The following SCAND3 variants were observed in gnomAD, a reference collection of about 807,000 sequenced individuals.
The protein encoded by SCAND3 is SCAN domain containing 3.
chr6:28,575,718 C>A, the SCAND3 span: 8 of 1,614,064 alleles, frequency 5.0e-6, no homozygotes, highest in Non-Finnish European at 6.8e-6. This position sits in a 1 kb window ranked among gnomAD's most constrained non-coding sequence, Gnocchi z 4.2. Flanking sequence ...TCGCTTGTAA[C>A]TCTTTCTCCA....
chr6:28,575,755 C>T, the SCAND3 span: 10 of 1,614,004 alleles, frequency 6.2e-6, no homozygotes, highest in African/African-American at 1.1e-4. This position sits in a 1 kb window ranked among gnomAD's most constrained non-coding sequence, Gnocchi z 4.2. Context: ...ATGTCCAATG[C>T]TGAGATGTGT....
chr6:28,589,769 G>C, the SCAND3 span: 1 of 151,660 alleles, frequency 6.6e-6, no homozygotes, highest in Admixed American at 6.6e-5. Context: ...TAGGTTCGAA[G>C]CCCTCCTCGC....
At chr6:28,573,056 C>G in the SCAND3 span, 2 of 1,611,146 alleles carry the variant, frequency 1.2e-6, no homozygotes, top group Non-Finnish European at 8.5e-7. Flanking sequence ...TCATACAGTT[C>G]TGAGCTAGTT....
the SCAND3 span, chr6:28,573,857 G>T: frequency 6.7e-7 from 1 of 1,492,238 alleles, no homozygotes; most frequent in South Asian, 1.4e-5. Flanking sequence ...TAAATAATAT[G>T]AATTTTACTT....
the SCAND3 span, chr6:28,575,110 G>A: frequency 6.2e-7 from 1 of 1,614,146 alleles, no homozygotes; most frequent in Non-Finnish European, 8.5e-7. This position sits in a 1 kb window ranked among gnomAD's most constrained non-coding sequence, Gnocchi z 4.2. Flanking sequence ...CTGAGAATGG[G>A]ACAAGCCCAG....
the SCAND3 span, chr6:28,579,154 C>T: frequency 2.2e-6 from 2 of 928,562 alleles, no homozygotes; most frequent in Non-Finnish European, 3.2e-6. This position sits in a 1 kb window ranked among gnomAD's most constrained non-coding sequence, Gnocchi z 4.5. Context: ...TTGGCTTTTC[C>T]TTCAACTATT....
At chr6:28,606,436 TG>T in the SCAND3 span, among the ~76,000 whole-genome samples, 1 of 152,136 alleles carries the variant, frequency 6.6e-6, no homozygotes, top group Non-Finnish European at 1.5e-5. Flanking sequence ...AATTTTTCAT[TG>T]CTCCATGGTT....
the SCAND3 span, among the ~76,000 whole-genome samples, chr6:28,603,206 C>T: frequency 1.3e-5 from 2 of 152,068 alleles, no homozygotes; most frequent in African/African-American, 2.4e-5. Context: ...GATCTGCCCG[C>T]CTCAACCTCC....
At chr6:28,583,119 A>G in the SCAND3 span, among the ~76,000 whole-genome samples, 4 of 151,980 alleles carry the variant, frequency 2.6e-5, no homozygotes, top group East Asian at 2.0e-4. Flanking sequence ...TGGGTCGGGC[A>G]CGGTGGCTCA....
chr6:28,594,676 T>C, the SCAND3 span, among the ~76,000 whole-genome samples: 1 of 152,104 alleles, frequency 6.6e-6, no homozygotes, highest in Non-Finnish European at 1.5e-5. Flanking sequence ...GTGCTATATA[T>C]ACAATGAAAT....
the SCAND3 span, among the ~76,000 whole-genome samples, chr6:28,578,321 A>G: frequency 3.3e-5 from 5 of 152,324 alleles, no homozygotes; most frequent in Admixed American, 3.3e-4. Context: ...TCTATTTATA[A>G]CACAAGTTAG....
chr6:28,585,613 C>T, the SCAND3 span, among the ~76,000 whole-genome samples: 2 of 152,218 alleles, frequency 1.3e-5, no homozygotes, highest in East Asian at 1.9e-4. Flanking sequence ...CAGAAACATG[C>T]GTTTTTAACA....
At chr6:28,593,010 A>AT in the SCAND3 span, among the ~76,000 whole-genome samples, 34,379 of 145,542 alleles carry the variant, frequency 0.24, 4,416 homozygotes, top group African/African-American at 0.34. Flanking sequence ...CTGGGCAATG[A>AT]TTTTTTTTTT....
the SCAND3 span, among the ~76,000 whole-genome samples, chr6:28,581,596 A>C: frequency 1.3e-5 from 2 of 152,170 alleles, no homozygotes; most frequent in Non-Finnish European, 2.9e-5. Flanking sequence ...TTTTAACACT[A>C]GCATTTGGCC....
the SCAND3 span, among the ~76,000 whole-genome samples, chr6:28,600,503 C>T: frequency 2.6e-5 from 4 of 152,050 alleles, no homozygotes; most frequent in African/African-American, 9.7e-5. Context: ...CATGGTGGTG[C>T]GTGACTGTAG....
At chr6:28,582,055 C>T in the SCAND3 span, among the ~76,000 whole-genome samples, 87 of 152,310 alleles carry the variant, frequency 5.7e-4, no homozygotes, top group African/African-American at 1.9e-3. This position sits in a 1 kb window ranked among gnomAD's most constrained non-coding sequence, Gnocchi z 4.8. Flanking sequence ...ACATGATCAG[C>T]GTATAACCTG....
At chr6:28,578,198 AATG>A in the SCAND3 span, among the ~76,000 whole-genome samples, 1 of 152,230 alleles carries the variant, frequency 6.6e-6, no homozygotes, top group South Asian at 2.1e-4. Context: ...GGTTAAAATT[AATG>A]ATATGTTACT....
chr6:28,599,843 A>G, the SCAND3 span, among the ~76,000 whole-genome samples: 51 of 152,322 alleles, frequency 3.3e-4, 1 homozygote, highest in East Asian at 9.6e-3. Context: ...CCCATAGTAA[A>G]CTTACCTTTG....
the SCAND3 span, among the ~76,000 whole-genome samples, chr6:28,583,592 G>C: frequency 6.6e-6 from 1 of 152,154 alleles, no homozygotes; most frequent in East Asian, 1.9e-4. Flanking sequence ...CCCAGTGTTT[G>C]CTGTTTTAAC....
Sources: gnomAD v4.1 joint callset for allele counts (sites outside exome capture counted in the v4.1 genomes callset) on GRCh38, gnomAD v4.1.1 for gene constraint, Gnocchi (gnomAD v3.1) non-coding constraint, MANE v1.5 for transcripts, NCBI Gene and HGNC (gene_info 2026-07-23, HGNC 2026-07-21) for gene names.